The following PARD3 variants were observed in gnomAD, a reference collection of about 807,000 sequenced individuals.
The protein encoded by PARD3 is partitioning defective 3 homolog.
Under a neutral mutation model 155.4 loss-of-function variants are expected in PARD3, and 75 were observed. The ratio of observed to expected loss-of-function variants is 0.48; its 90% CI spans 0.40 to 0.58. The LOEUF is 0.58. Ranked by LOEUF, PARD3 falls within the 20% of genes least tolerant of loss-of-function variation. The probability of loss-of-function intolerance (pLI) is 0.00; values close to 1 mark genes in which losing one functional copy is unlikely to be tolerated. For synonymous variants in PARD3, 576 were observed against 610.5 expected (o/e 0.94, Z 0.83); for missense variants, 1,642 against 1,721.7 (o/e 0.95, Z 0.82).
intron 3 of PARD3, among the ~76,000 whole-genome samples, chr10:34,507,550 A>AAAAAAAAAACC (rs1554880670): frequency 1.5e-5 from 2 of 129,226 alleles, no homozygotes; most frequent in Non-Finnish European, 3.1e-5. Flanking sequence ...TAAAAAAACA[A>AAAAAAAAAACC]AAAAAAAAAA....
chr10:34,212,057 T>C (rs1349338083), intron 22 of PARD3, among the ~76,000 whole-genome samples: 1 of 150,676 alleles, frequency 6.6e-6, no homozygotes, highest in African/African-American at 2.4e-5. Context: ...ATATTTCTGC[T>C]CTATTTTGCT....
intron 1 of PARD3, among the ~76,000 whole-genome samples, chr10:34,803,861 T>C (rs1358944320): frequency 6.6e-6 from 1 of 152,130 alleles, no homozygotes; most frequent in East Asian, 1.9e-4. Context: ...TTTGTTAGCA[T>C]TGCAAGTTTC....
intron 24 of PARD3, among the ~76,000 whole-genome samples, chr10:34,115,105 G>C (rs1405365130): frequency 6.6e-6 from 1 of 152,172 alleles, no homozygotes; most frequent in East Asian, 1.9e-4. Context: ...ACCAGGATGA[G>C]GGGGACACAG....
intron 1 of PARD3, among the ~76,000 whole-genome samples, chr10:34,767,123 G>T (rs905746915): frequency 3.9e-5 from 6 of 152,110 alleles, no homozygotes; most frequent in African/African-American, 1.4e-4. Context: ...TTCAAGCAAT[G>T]AACATATATT....
chr10:34,770,848 C>A (rs1209142970), intron 1 of PARD3, among the ~76,000 whole-genome samples: 3 of 152,142 alleles, frequency 2.0e-5, no homozygotes, highest in Non-Finnish European at 4.4e-5. Flanking sequence ...CCATGACAGA[C>A]CCGGAAAGGT....
chr10:34,140,103 T>G (rs1379251106), intron 22 of PARD3, among the ~76,000 whole-genome samples: 1 of 152,182 alleles, frequency 6.6e-6, no homozygotes, highest in African/African-American at 2.4e-5. Context: ...TGTCATTTGC[T>G]TTTGTTTTTC....
At chr10:34,636,142 G>C (rs1036724563) in intron 2 of PARD3, among the ~76,000 whole-genome samples, 3 of 152,132 alleles carry the variant, frequency 2.0e-5, no homozygotes, top group Non-Finnish European at 2.9e-5. Flanking sequence ...ACTCTTCAAC[G>C]GTTTTTCATC....
chr10:34,343,634 T>C (rs1202981532), intron 15 of PARD3: 1 of 985,274 alleles, frequency 1.0e-6, no homozygotes. Context: ...ACCAGGGTAA[T>C]GGACAGCTAA....
At chr10:34,569,702 C>T (rs2086233870) in intron 2 of PARD3, among the ~76,000 whole-genome samples, 1 of 152,078 alleles carries the variant, frequency 6.6e-6, no homozygotes, top group African/African-American at 2.4e-5. Context: ...CAGGCGTGAG[C>T]CACCGTGCCC....
intron 1 of PARD3, among the ~76,000 whole-genome samples, chr10:34,729,334 C>T (rs898545007): frequency 1.3e-5 from 2 of 151,890 alleles, no homozygotes; most frequent in African/African-American, 4.8e-5. Flanking sequence ...AGTTCAAAAC[C>T]AGCCTGGCCA....
intron 2 of PARD3, among the ~76,000 whole-genome samples, chr10:34,694,470 C>CT (rs34628015): frequency 0.024 from 2,416 of 101,868 alleles, 84 homozygotes; most frequent in African/African-American, 0.07. Context: ...AAAACTTCTG[C>CT]TTTTTTTTTT....
intron 5 of PARD3, among the ~76,000 whole-genome samples, chr10:34,437,461 A>T (rs2076245671): frequency 1.3e-5 from 2 of 152,212 alleles, no homozygotes; most frequent in African/African-American, 4.8e-5. Context: ...CCCAAAAGCT[A>T]TATACTAGGT....
intron 20 of PARD3, among the ~76,000 whole-genome samples, chr10:34,298,363 G>A (rs1453516134): frequency 6.6e-6 from 1 of 152,048 alleles, no homozygotes; most frequent in Non-Finnish European, 1.5e-5. Flanking sequence ...CATCGACGTG[G>A]GAATGGATAA....
chr10:34,744,203 T>C (rs1835023665), intron 1 of PARD3, among the ~76,000 whole-genome samples: 1 of 152,164 alleles, frequency 6.6e-6, no homozygotes, highest in African/African-American at 2.4e-5. Flanking sequence ...AACTTAATTT[T>C]ATAGTTAAAA....
rs564911612 is a variant in PARD3 at position 34,309,428 on chromosome 10, C to G, written c.3065+7679G>C. ...TTAAAAAGTAGTAGGCACAGTGGTG[C>G]ACGCCTGTAGTCCCAGCTACTGGGA... On this transcript the variant is annotated intron_variant, in intron 20 of 24. Transcript: ENST00000374788. Among the ~76,000 whole-genome samples, 3 of 151,692 alleles carry G rather than the reference C, an allele frequency of 2.0e-5. No homozygotes were observed. In the South Asian group the frequency reaches 6.3e-4, roughly 32 times the overall value.
chr10:34,161,245 G>GAAA (rs373658384), intron 22 of PARD3, among the ~76,000 whole-genome samples: 109,272 of 118,442 alleles, frequency 0.92, 51,057 homozygotes, highest in Non-Finnish European at 0.98. Flanking sequence ...ACCCTGTCTT[G>GAAA]AAAAAAAAAA....
intron 2 of PARD3, among the ~76,000 whole-genome samples, chr10:34,678,879 T>C (rs2093760323): frequency 6.6e-6 from 1 of 151,946 alleles, no homozygotes; most frequent in African/African-American, 2.4e-5. Context: ...TGCTGACTTC[T>C]GAAGTGGCTC....
intron 1 of PARD3, among the ~76,000 whole-genome samples, chr10:34,717,226 C>T (rs992165776): frequency 3.3e-5 from 5 of 152,082 alleles, no homozygotes; most frequent in African/African-American, 1.2e-4. Context: ...CAAGTCATTT[C>T]CTCTTTGTGG....
chr10:34,776,826 G>GTTTT lies in PARD3; in HGVS notation c.120+38046_120+38049dup, dbSNP rs202074847. On this transcript the variant is annotated intron_variant, in intron 1 of 24. Transcript: ENST00000374788. ...ACTATTTCCAAGTATTTTCAGTCGT[G>GTTTT]TTTTTTTGTGGGGGGGGGGGGCGGG... 2.4e-4 allele frequency among the ~76,000 whole-genome samples: 11 copies of GTTTT among 45,814 alleles called. 1 individual carries two copies. The highest frequency in any genetic ancestry group is 1.1e-3 in the African/African-American group (11 of 9,768). The allele number at this position is 45,814 out of a possible 152,430, so 30.1% of individuals were successfully genotyped here.
Sources: allele counts gnomAD v4.1 joint callset (sites outside exome capture counted in the v4.1 genomes callset), GRCh38; gene constraint gnomAD v4.1.1; transcripts MANE v1.5; gene names NCBI Gene and HGNC (gene_info 2026-07-23, HGNC 2026-07-21).